The following ZFPM2 variants were observed in gnomAD, a reference collection of about 807,000 sequenced individuals.
ZFPM2 encodes zinc finger protein, FOG family member 2.
Under a neutral mutation model 98.6 loss-of-function variants are expected in ZFPM2, and 20 were observed. The ratio of observed to expected loss-of-function variants is 0.20; its 90% CI spans 0.14 to 0.29. ZFPM2 has a LOEUF of 0.29. ZFPM2 is among the 10% of genes least tolerant of loss of function. The pLI is 1.00. For synonymous variants in ZFPM2, 518 were observed against 502.7 expected, an observed-to-expected ratio of 1.03 and a Z score of -0.41; for missense variants, 1,310 against 1,388.6, an observed-to-expected ratio of 0.94 and a Z score of 0.90.
intron 4 of ZFPM2, among the ~76,000 whole-genome samples, chr8:105,585,160 G>C (rs1477770273): frequency 6.6e-6 from 1 of 152,088 alleles, no homozygotes; most frequent in African/African-American, 2.4e-5. Flanking sequence ...AGAAAATACA[G>C]TTTTTAAAAA....
chr8:105,452,974 T>C (rs1812517377), intron 3 of ZFPM2, among the ~76,000 whole-genome samples: 1 of 151,094 alleles, frequency 6.6e-6, no homozygotes, highest in Non-Finnish European at 1.5e-5. Context: ...AAAAATAACT[T>C]AAGTGGGCTT....
At chr8:105,566,570 C>T (rs1815248140) in intron 4 of ZFPM2, among the ~76,000 whole-genome samples, 2 of 152,138 alleles carry the variant, frequency 1.3e-5, no homozygotes, top group Non-Finnish European at 2.9e-5. Context: ...TAAACTAAAT[C>T]TCAGCTGTGC....
chr8:105,540,766 A>G (rs1814560375), intron 3 of ZFPM2, among the ~76,000 whole-genome samples: 1 of 152,122 alleles, frequency 6.6e-6, no homozygotes, highest in African/African-American at 2.4e-5. Context: ...CTTTCCTGTG[A>G]AACTTCCTAA....
chr8:105,546,583 A>AAC (rs1554615908), intron 3 of ZFPM2, among the ~76,000 whole-genome samples: 31 of 149,832 alleles, frequency 2.1e-4, no homozygotes, highest in African/African-American at 4.8e-4. Flanking sequence ...AAAAAAAAAA[A>AAC]ACAAACCCAA....
At chr8:105,557,936 G>T (rs1028704212) in intron 3 of ZFPM2, among the ~76,000 whole-genome samples, 4 of 152,068 alleles carry the variant, frequency 2.6e-5, no homozygotes, top group Admixed American at 1.3e-4. Context: ...ATCATGGACT[G>T]TCAGTGTTGA....
At chr8:105,481,622 G>A (rs1218820757) in intron 3 of ZFPM2, among the ~76,000 whole-genome samples, 1 of 152,156 alleles carries the variant, frequency 6.6e-6, no homozygotes, top group Admixed American at 6.5e-5. Flanking sequence ...TAGGAATTTC[G>A]GAGGGACACA....
chr8:105,707,541 G>A (rs1378327997), intron 5 of ZFPM2, among the ~76,000 whole-genome samples: 1 of 152,124 alleles, frequency 6.6e-6, no homozygotes, highest in African/African-American at 2.4e-5. Flanking sequence ...TAGGGTCTTT[G>A]TCTGTTGGTC....
At chr8:105,326,048 G>C (rs1272901143) in intron 1 of ZFPM2, among the ~76,000 whole-genome samples, 1 of 151,686 alleles carries the variant, frequency 6.6e-6, no homozygotes, top group African/African-American at 2.4e-5. Flanking sequence ...GAGGTAGCTA[G>C]TCCTATGTCT....
intron 5 of ZFPM2, among the ~76,000 whole-genome samples, chr8:105,735,437 A>T (rs1472225759): frequency 6.6e-6 from 1 of 151,788 alleles, no homozygotes; most frequent in Non-Finnish European, 1.5e-5. Context: ...TACTCTATTT[A>T]TAAAAACAAC....
intron 5 of ZFPM2, among the ~76,000 whole-genome samples, chr8:105,744,972 A>G (rs898717696): frequency 6.6e-6 from 1 of 152,166 alleles, no homozygotes; most frequent in African/African-American, 2.4e-5. Flanking sequence ...AAGATTTTGC[A>G]GGAGCAGTAA....
At chr8:105,333,915 C>T (rs907246356) in intron 1 of ZFPM2, among the ~76,000 whole-genome samples, 19 of 151,466 alleles carry the variant, frequency 1.3e-4, no homozygotes, top group Admixed American at 1.3e-3. Flanking sequence ...TTGATGGTTT[C>T]TTTGGGAATG....
chr8:105,341,888 T>C (rs1022205754), intron 1 of ZFPM2, among the ~76,000 whole-genome samples: 1 of 151,968 alleles, frequency 6.6e-6, no homozygotes, highest in African/African-American at 2.4e-5. Context: ...AAGCTAAAAG[T>C]TCATTGGGCT....
intron 5 of ZFPM2, among the ~76,000 whole-genome samples, chr8:105,637,955 TTGTGTG>T (rs151195967): frequency 4.6e-5 from 7 of 151,110 alleles, no homozygotes; most frequent in African/African-American, 1.7e-4. Context: ...TGCCAAAAAA[TTGTGTG>T]TGTGTGTGTG....
intron 5 of ZFPM2, among the ~76,000 whole-genome samples, chr8:105,766,182 TATAGTC>T (rs1040498734): frequency 1.3e-5 from 2 of 151,948 alleles, no homozygotes; most frequent in African/African-American, 4.8e-5. Flanking sequence ...AGATTTGGTC[TATAGTC>T]ATAACCAGCA....
chr8:105,371,363 T>G (rs765603306), intron 1 of ZFPM2, among the ~76,000 whole-genome samples: 14 of 152,206 alleles, frequency 9.2e-5, no homozygotes, highest in Non-Finnish European at 5.9e-5. Context: ...GAGGTAGATC[T>G]GTACACTTGG....
chr8:105,610,640 A>G (rs904807627), intron 4 of ZFPM2, among the ~76,000 whole-genome samples: 5 of 152,100 alleles, frequency 3.3e-5, no homozygotes, highest in Non-Finnish European at 5.9e-5. Context: ...GTGGCCTTTT[A>G]ATGAGGAATT....
At chr8:105,418,390 G>A (rs565423674) in intron 1 of ZFPM2, among the ~76,000 whole-genome samples, 2 of 152,132 alleles carry the variant, frequency 1.3e-5, no homozygotes, top group East Asian at 1.9e-4. Flanking sequence ...ACTTCAGATC[G>A]GTCTGAACAA....
intron 6 of ZFPM2, chr8:105,798,053 T>A (rs1371294494): frequency 6.6e-6 from 1 of 152,230 alleles, no homozygotes; most frequent in African/African-American, 2.4e-5. Context: ...GGGGTTGACA[T>A]CAGGGCTAAC....
intron 1 of ZFPM2, among the ~76,000 whole-genome samples, chr8:105,347,176 T>C (rs1812554709): frequency 6.6e-6 from 1 of 150,410 alleles, no homozygotes; most frequent in South Asian, 2.1e-4. Context: ...GAAAAACGTA[T>C]TGAAGGCACT....
Sources: gnomAD v4.1 joint callset for allele counts (sites outside exome capture counted in the v4.1 genomes callset) on GRCh38, gnomAD v4.1.1 for gene constraint, MANE v1.5 for transcripts, NCBI Gene and HGNC (gene_info 2026-07-23, HGNC 2026-07-21) for gene names.